LDLRAD2: variants seen among roughly 807,000 people sequenced by gnomAD.
The protein encoded by LDLRAD2 is low-density lipoprotein receptor class A domain-containing protein 2.
LDLRAD2 carries 25 observed loss-of-function variants against 24.9 expected under a neutral mutation model. The observed-to-expected ratio is 1.00, with a 90% CI of 0.73 to 1.40. The LOEUF is 1.40. LDLRAD2 is among the 40% of genes most tolerant of loss of function. The pLI is 0.00. For missense variants in LDLRAD2, 391 were observed against 366.2 expected (o/e 1.07, Z -0.55); for synonymous variants, 182 against 166.7 (o/e 1.09, Z -0.71).
Position 21,822,262 on chromosome 1 carries a change from T to TA in LDLRAD2, c.*47_*48insA. ...AGGCCCCTGGCGGGGATAGCACCGT[T>TA]TATTAAGAAAAATCAAGACAAAGAC... On this transcript the variant is annotated 3_prime_UTR_variant, in exon 5 of 5. Transcript: ENST00000344642. The TA allele has an allele frequency of 6.3e-7, 1 of 1,591,016 alleles. No individual in the cohort carries two copies. Among genetic ancestry groups the TA allele is most frequent in the Non-Finnish European group, 8.6e-7 (1 of 1,159,258 alleles).
At position 21,822,187 on chromosome 1, in the gene LDLRAD2, C is replaced by T; in HGVS notation, c.806-15C>T. The T allele has an allele frequency of 6.2e-7, 1 of 1,614,188 alleles. No individual in the cohort carries two copies. Among genetic ancestry groups the T allele is most frequent in the South Asian group, 1.1e-5 (1 of 91,092 alleles). ...ACCCCCAGATCTCACCTGCCCTGCT[C>T]TGCCCCATCCACAGGCTCCACTGAG... On this transcript the variant is annotated splice_polypyrimidine_tract_variant and intron_variant, in intron 4 of 4. Transcript: ENST00000344642.
In LDLRAD2 at chr1:21,814,932, G is replaced by A. The variant is rs573292320; in HGVS notation, c.511+109G>A. On this transcript the variant is annotated intron_variant, in intron 2 of 4. Coordinates refer to ENST00000344642, the MANE Select transcript of LDLRAD2 (RefSeq NM_001013693.3). ...CGCTGCCGACAGGGGAATGGCAGGG[G>A]TGCCCGAAGCACAAGATGGCAGGGA... 4.7e-5 allele frequency: 51 copies of A among 1,095,514 alleles called. No homozygotes were observed. The African/African-American group carries it at 5.3e-4, about 11-fold the overall frequency. 67.9% of individuals were successfully genotyped at this position (1,095,514 alleles called of 1,614,324 possible). A position where few individuals can be genotyped will look rare whatever the true frequency, so the allele number is the denominator to read the frequency against.
At chr1:21,819,453 G>A (rs2097947854) in intron 3 of LDLRAD2, among the ~76,000 whole-genome samples, 1 of 151,550 alleles carries the variant, frequency 6.6e-6, no homozygotes. Flanking sequence ...CTGCAGAACT[G>A]AGACAATTAA....
intron 3 of LDLRAD2, among the ~76,000 whole-genome samples, chr1:21,818,355 C>G (rs968167190): frequency 2.0e-5 from 3 of 152,212 alleles, no homozygotes; most frequent in African/African-American, 7.2e-5. Flanking sequence ...TTTAGGCTCC[C>G]CTTGGCTGTG....
chr1:21,823,204 G>T lies in LDLRAD2; in HGVS notation c.*989G>T. On this transcript the variant is annotated 3_prime_UTR_variant, in exon 5 of 5. Coordinates refer to ENST00000344642, the MANE Select transcript of LDLRAD2 (RefSeq NM_001013693.3). ...TCCAGCCCAGGGCGGTAGCAGCAAA[G>T]CGTGGCATCGCCTCGGTTTCTTACA... 9.4e-7 allele frequency: 1 copy of T among 1,058,648 alleles called. No homozygotes were observed. Among genetic ancestry groups the T allele is most frequent in the Non-Finnish European group, 1.3e-6 (1 of 776,444 alleles). The allele number at this position is 1,058,648 out of a possible 1,614,324, so 65.6% of individuals were successfully genotyped here.
At chr1:21,820,393 G>A (rs2097949219) in intron 3 of LDLRAD2, among the ~76,000 whole-genome samples, 1 of 151,950 alleles carries the variant, frequency 6.6e-6, no homozygotes, top group Non-Finnish European at 1.5e-5. Flanking sequence ...CGCAGTGGCG[G>A]GCACCTGTAG....
chr1:21,823,347 G>T lies in LDLRAD2; in HGVS notation c.*1132G>T, dbSNP rs116316900. ...GGGGCAGGGGCGTGTGTTGGCCCCGGCCTGGGCGCGGTGCTGCAGGTCCAG... is the reference window on the plus strand; with the variant it reads ...GGGGCAGGGGCGTGTGTTGGCCCCGTCCTGGGCGCGGTGCTGCAGGTCCAG... On this transcript the variant is annotated 3_prime_UTR_variant, in exon 5 of 5. Coordinates refer to ENST00000344642, the MANE Select transcript of LDLRAD2 (RefSeq NM_001013693.3). 235 of 1,543,508 alleles carry T rather than the reference G, an allele frequency of 1.5e-4. No individual in the cohort carries two copies. In the African/African-American group the frequency reaches 2.9e-3, roughly 19 times the overall value.
rs764720920 is a variant in LDLRAD2 at position 21,824,400 on chromosome 1, TG to T, written c.*2189del. Reference sequence around the variant, plus strand: ...TCCTGCCAGGGAAGCACAGGGTCTCTGGGGTCCCCAGCCTGGAGAGCAGAGG... The same window carrying T: ...TCCTGCCAGGGAAGCACAGGGTCTCTGGGTCCCCAGCCTGGAGAGCAGAGG... On this transcript the variant is annotated 3_prime_UTR_variant, in exon 5 of 5. Coordinates refer to ENST00000344642, the MANE Select transcript of LDLRAD2 (RefSeq NM_001013693.3). This position sits in a 1 kb window ranked among gnomAD's most constrained non-coding sequence, Gnocchi z 5.9. The T allele has an allele frequency of 6.2e-6, 10 of 1,613,138 alleles. No individual in the cohort carries two copies. In the Admixed American group the frequency reaches 1.5e-4, roughly 24 times the overall value.
At chr1:21,814,176 C>T (rs1391556214) in intron 1 of LDLRAD2, among the ~76,000 whole-genome samples, 2 of 152,084 alleles carry the variant, frequency 1.3e-5, no homozygotes, top group Non-Finnish European at 1.5e-5. Context: ...GGCCCCGCAT[C>T]TTAGGGTTTC....
chr1:21,815,117 C>T (rs1231237543), intron 2 of LDLRAD2, among the ~76,000 whole-genome samples: 2 of 152,184 alleles, frequency 1.3e-5, no homozygotes, highest in Non-Finnish European at 2.9e-5. Context: ...CACACATCCA[C>T]ACACAACTTC....
At position 21,816,092 on chromosome 1, in the gene LDLRAD2, A is replaced by G; in HGVS notation, c.643+18A>G. ...CTGCAGAGGTCAGTGCGGGGTGTGG[A>G]CTGGGCCCTACTGAACAGCTGGAGG... is the stretch of plus-strand genomic sequence containing the variant. On this transcript the variant is annotated intron_variant, in intron 3 of 4. Coordinates refer to ENST00000344642, the MANE Select transcript of LDLRAD2 (RefSeq NM_001013693.3). 3 of 1,610,314 alleles carry G rather than the reference A, an allele frequency of 1.9e-6. No individual in the cohort carries two copies. The highest frequency in any genetic ancestry group is 2.2e-5 in the South Asian group (2 of 91,004).
chr1:21,818,097 A>C (rs868114129), intron 3 of LDLRAD2, among the ~76,000 whole-genome samples: 9 of 105,200 alleles, frequency 8.6e-5, no homozygotes, highest in Non-Finnish European at 1.5e-4. Flanking sequence ...GGCTGGTCTC[A>C]AACTCCTGAC....
In LDLRAD2 at chr1:21,823,393, C is replaced by A. The variant is rs373820736; in HGVS notation, c.*1178C>A. The A allele has an allele frequency of 2.6e-6, 4 of 1,561,358 alleles. No individual in the cohort carries two copies. In the South Asian group the frequency reaches 3.5e-5, roughly 14 times the overall value. ...TCCAGGGGCTGTGGGGGCGGGGCGC[C>A]GGGTCGGGCCGAGTGCAGCACCAGG... On this transcript the variant is annotated 3_prime_UTR_variant, in exon 5 of 5. Transcript: ENST00000344642.
chr1:21,816,790 TC>T (rs1418676041), intron 3 of LDLRAD2, among the ~76,000 whole-genome samples: 1 of 152,080 alleles, frequency 6.6e-6, no homozygotes, highest in African/African-American at 2.4e-5. Flanking sequence ...AGGTTCCTGG[TC>T]ATTTCCCTGA....
chr1:21,820,306 C>T (rs1322661238), intron 3 of LDLRAD2, among the ~76,000 whole-genome samples: 8 of 152,078 alleles, frequency 5.3e-5, no homozygotes, highest in African/African-American at 1.4e-4. Flanking sequence ...GAGGCAGAGG[C>T]GGGAGGATCA....
chr1:21,824,759 C>T lies in LDLRAD2; in HGVS notation c.*2544C>T, dbSNP rs1315482724. On this transcript the variant is annotated 3_prime_UTR_variant, in exon 5 of 5. Coordinates refer to ENST00000344642, the MANE Select transcript of LDLRAD2 (RefSeq NM_001013693.3). This position sits in a 1 kb window ranked among gnomAD's most constrained non-coding sequence, Gnocchi z 5.9. ...AGGAAGCCATCATCGTGGAAATAGG[C>T]TCCGTACTGCCCAGGGGCATCTGTG... 2.5e-6 allele frequency: 4 copies of T among 1,613,212 alleles called. No homozygotes were observed. The highest frequency in any genetic ancestry group is 1.7e-6 in the Non-Finnish European group (2 of 1,179,698).
At chr1:21,814,363 C>T (rs1478217027) in intron 1 of LDLRAD2, 35 bp from the exon 2 acceptor site, 1 of 1,529,660 alleles carries the variant, frequency 6.5e-7, no homozygotes, top group South Asian at 1.3e-5. Flanking sequence ...CGGGGTCGCG[C>T]CGCGCGGCTC....
intron 4 of LDLRAD2, 147 bp downstream of exon 4, chr1:21,821,758 G>A (rs59002896): frequency 0.027 from 39,136 of 1,470,290 alleles, 1,037 homozygotes; most frequent in African/African-American, 0.14. Context: ...TGGCCTCCTC[G>A]ATGCTCCTGG....
chr1:21,813,207 A>G (rs1050183302), intron 1 of LDLRAD2, among the ~76,000 whole-genome samples: 8 of 152,184 alleles, frequency 5.3e-5, no homozygotes, highest in Non-Finnish European at 8.8e-5. Context: ...AGGCAGGAGA[A>G]TCGCTTGAAC....
Sources: gnomAD v4.1 joint callset for allele counts (sites outside exome capture counted in the v4.1 genomes callset) on GRCh38, gnomAD v4.1.1 for gene constraint, Gnocchi (gnomAD v3.1) non-coding constraint, MANE v1.5 for transcripts, NCBI Gene and HGNC (gene_info 2026-07-23, HGNC 2026-07-21) for gene names.